NLRP12: variants seen among roughly 807,000 people sequenced by gnomAD.
NLRP12 encodes NLR family pyrin domain containing 12.
NLRP12 carries 108 observed loss-of-function variants against 91.2 expected under a neutral mutation model. The observed-to-expected ratio is 1.18, with a 90% CI of 1.01 to 1.39. The LOEUF is 1.39. Ranked by LOEUF, NLRP12 falls within the 40% of genes most tolerant of loss-of-function variation. The pLI, the probability that NLRP12 is intolerant of heterozygous loss-of-function variation, is 0.00. For synonymous variants in NLRP12, 613 were observed against 566.7 expected (o/e 1.08, Z -1.16); for missense variants, 1,530 against 1,352.7 (o/e 1.13, Z -2.06).
chr19:53,799,294 G>C (rs989982086), intron 7 of NLRP12, among the ~76,000 whole-genome samples: 6 of 151,980 alleles, frequency 3.9e-5, no homozygotes, highest in Admixed American at 3.3e-4. Context: ...ACAGGCATGA[G>C]CCACCGCGCC....
chr19:53,803,390 G>T (rs2091904928), intron 6 of NLRP12, among the ~76,000 whole-genome samples: 1 of 151,998 alleles, frequency 6.6e-6, no homozygotes, highest in South Asian at 2.1e-4. Context: ...ATGTTGGTCA[G>T]GCTGGTCTCG....
In NLRP12 at chr19:53,809,678, G is replaced by A. The variant is rs1211465559; in HGVS notation, c.1981C>T (p.Gln661Ter). 1 of 1,614,086 alleles carries A rather than the reference G, an allele frequency of 6.2e-7. No homozygotes were observed. Among genetic ancestry groups the A allele is most frequent in the South Asian group, 1.1e-5 (1 of 91,086 alleles). The change falls in exon 3 of 10, where the codon CAG becomes TAG. Residue 661 changes from glutamine to a stop codon, truncating the protein, a stop_gained. Transcript: ENST00000324134. LOFTEE classifies it high-confidence loss of function. Reference sequence around the variant, plus strand: ...GTGGCGCCATACAAGTGCAGCACCTGGGCGCTCCTGCAGCGCTTCAGACAG... The same window carrying A: ...GTGGCGCCATACAAGTGCAGCACCTAGGCGCTCCTGCAGCGCTTCAGACAG... ...SFCLKRCRSA[Q>*]VLHLYGATYS...
Position 53,810,959 on chromosome 19 carries a change from A to C in NLRP12, c.700T>G (p.Trp234Gly), listed in dbSNP as rs368152701. ...CCTTGGAAGAGCTTCCCGTCCGCCC[A>C]GTCCAGCATCACCTTGTGTGCCAGC... ...SMLAHKVMLD[W>G]ADGKLFQGRF... Residue 234 changes from tryptophan to glycine, a missense_variant, in exon 3 of 10, where the codon TGG becomes GGG. Coordinates refer to ENST00000324134, the MANE Select transcript of NLRP12 (RefSeq NM_144687.4). 8.1e-6 allele frequency: 13 copies of C among 1,614,060 alleles called. No homozygotes were observed. Among genetic ancestry groups the C allele is most frequent in the Admixed American group, 1.7e-5 (1 of 59,980 alleles).
rs561178624 is a variant in NLRP12 at position 53,811,028 on chromosome 19, G to T, written c.631C>A (p.Arg211Ser). ...GCCGCGCCTTGCATGACCACGGTGC[G>T]CGGTGGCTCGGGGCGCTCCTCGTCT... ...EPDEERPEPP[R>S]TVVMQGAAGI... is the part of the protein sequence containing the mutation. Residue 211 changes from arginine (R) to serine (S), a missense_variant, in exon 3 of 10, where the codon CGC becomes AGC. Coordinates refer to ENST00000324134, the MANE Select transcript of NLRP12 (RefSeq NM_144687.4). The T allele has an allele frequency of 6.2e-7, 1 of 1,613,138 alleles. No individual in the cohort carries two copies. Among genetic ancestry groups the T allele is most frequent in the Non-Finnish European group, 8.5e-7 (1 of 1,179,186 alleles).
chr19:53,812,554 G>T (rs2092093160), intron 2 of NLRP12, among the ~76,000 whole-genome samples: 1 of 152,072 alleles, frequency 6.6e-6, no homozygotes, highest in Non-Finnish European at 1.5e-5. Context: ...GTGGATAGAG[G>T]CCAGAGGTGC....
Position 53,795,773 on chromosome 19 carries a change from C to A in NLRP12, c.3098+86G>T, listed in dbSNP as rs185043872. ...CCTAATTGCATACACCAGTGCATAA[C>A]GTATTTGTCCATCCAGCTTATCTAC... On this transcript the variant is annotated intron_variant, in intron 9 of 9. Transcript: ENST00000324134. 10 of 1,198,878 alleles carry A rather than the reference C, an allele frequency of 8.3e-6. No homozygotes were observed. The South Asian group carries it at 1.0e-4, about 12-fold the overall frequency. 74.3% of individuals were successfully genotyped at this position (1,198,878 alleles called of 1,614,324 possible).
At chr19:53,799,942 T>TGGC (rs2091839272) in intron 7 of NLRP12, among the ~76,000 whole-genome samples, 1 of 152,116 alleles carries the variant, frequency 6.6e-6, no homozygotes, top group African/African-American at 2.4e-5. Context: ...GGCCAGAGGA[T>TGGC]CTCCTAAGGC....
chr19:53,803,833 C>A, intron 6 of NLRP12, 119 bp downstream of exon 6: 2 of 1,024,182 alleles, frequency 2.0e-6, no homozygotes, highest in Non-Finnish European at 3.0e-6. Flanking sequence ...TTTGGCCTCC[C>A]AAAGTGCCGG....
intron 1 of NLRP12, among the ~76,000 whole-genome samples, chr19:53,819,455 A>ATGTG (rs1387933382): frequency 1.8e-4 from 1 of 5,408 alleles, no homozygotes; most frequent in Non-Finnish European, 3.8e-4. Flanking sequence ...ATATATATAT[A>ATGTG]TATGTGTGTG....
intron 2 of NLRP12, among the ~76,000 whole-genome samples, chr19:53,814,068 A>G (rs1398060004): frequency 6.6e-6 from 1 of 152,034 alleles, no homozygotes; most frequent in African/African-American, 2.4e-5. Context: ...TGGCATTGTT[A>G]ACAGTGTTGC....
At chr19:53,801,128 G>C (rs1184046598) in intron 7 of NLRP12, 99 bp downstream of exon 7, 3 of 1,074,598 alleles carry the variant, frequency 2.8e-6, no homozygotes, top group Non-Finnish European at 4.2e-6. Flanking sequence ...GTAGTAGCTA[G>C]AGTTTAGGAG....
At chr19:53,815,496 G>A (rs574001016) in intron 1 of NLRP12, among the ~76,000 whole-genome samples, 2 of 151,996 alleles carry the variant, frequency 1.3e-5, no homozygotes, top group East Asian at 3.9e-4. Context: ...CAAAGTGCTG[G>A]GTTTACAGAT....
At position 53,801,442 on chromosome 19, in the gene NLRP12, CTTTTTCTTTT is replaced by C. The variant is rs769728956; in HGVS notation, c.2586-55_2586-46del. 136 of 1,304,876 alleles carry C rather than the reference CTTTTTCTTTT, an allele frequency of 1.0e-4. 2 individuals carry two copies. In the African/African-American group the frequency reaches 2.0e-3, roughly 20 times the overall value. 80.8% of individuals were successfully genotyped at this position (1,304,876 alleles called of 1,614,324 possible). A position where few individuals can be genotyped will look rare whatever the true frequency, so the allele number is the denominator to read the frequency against. ...ACAAGCATTATGGAGGCTTTCCTTT[CTTTTTCTTTT>C]TTTTTTTTTTTTTTTTTGAGACAGA... On this transcript the variant is annotated intron_variant, in intron 6 of 9. Transcript: ENST00000324134.
At chr19:53,815,895 C>A (rs2092151427) in intron 1 of NLRP12, among the ~76,000 whole-genome samples, 1 of 152,066 alleles carries the variant, frequency 6.6e-6, no homozygotes, top group African/African-American at 2.4e-5. Context: ...CAGGCGTGAG[C>A]CACTGCGCCT....
In NLRP12 at chr19:53,819,443, ATATATATATATATATG is replaced by A. The variant is rs1425317614; in HGVS notation, c.289+4427_289+4442del. 2.9e-4 allele frequency among the ~76,000 whole-genome samples: 6 copies of A among 20,554 alleles called. 1 individual carries two copies. The highest frequency in any genetic ancestry group is 9.6e-4 in the African/African-American group (6 of 6,250). The allele number at this position is 20,554 out of a possible 152,430, so 13.5% of individuals were successfully genotyped here. Reference sequence around the variant, plus strand: ...TATATATATATATATATATATATATATATATATATATATATGTGTGTGTGTGTGTGTGTGTGTGTGT... The same window carrying A: ...TATATATATATATATATATATATATATGTGTGTGTGTGTGTGTGTGTGTGT... On this transcript the variant is annotated intron_variant, in intron 1 of 9. Transcript: ENST00000324134.
rs2091929365 is a variant in NLRP12, at chr19:53,804,699, C to T, written c.2415-577G>A. On this transcript the variant is annotated intron_variant, in intron 5 of 9. Transcript: ENST00000324134. ...GTGCTGGGATTATAGACGTGAACCA[C>T]CGCTCCTGGCCCATACCTGGCTAAT... Among the ~76,000 whole-genome samples the T allele has an allele frequency of 2.7e-5, 4 of 150,666 alleles. No individual in the cohort carries two copies. The South Asian group carries it at 8.5e-4, about 32-fold the overall frequency.
At chr19:53,804,384 TTTTTTTGGGTTTTTTTG>T (rs1411014186) in intron 5 of NLRP12, among the ~76,000 whole-genome samples, 2 of 133,482 alleles carry the variant, frequency 1.5e-5, no homozygotes, top group Non-Finnish European at 3.2e-5. Context: ...TGTTTTTTGT[TTTTTTTGGGTTTTTTTG>T]TTTTTTTTTT....
intron 3 of NLRP12, 60 bp downstream of exon 3, chr19:53,809,517 CAAAAAAAAAA>C (rs3973672): frequency 1.6e-4 from 114 of 695,152 alleles, no homozygotes; most frequent in Middle Eastern, 4.7e-4. Context: ...GGCAACAGAG[CAAAAAAAAAA>C]AAAAAAAAAA....
chr19:53,796,140 C>T, intron 8 of NLRP12, 111 bp from the exon 9 acceptor site: 1 of 1,015,434 alleles, frequency 9.8e-7, no homozygotes, highest in East Asian at 2.5e-5. Context: ...GATTTCTGTT[C>T]ACTGCAACCT....
Sources: gnomAD v4.1 joint callset for allele counts (sites outside exome capture counted in the v4.1 genomes callset) on GRCh38, gnomAD v4.1.1 for gene constraint, MANE v1.5 for transcripts, NCBI Gene and HGNC (gene_info 2026-07-23, HGNC 2026-07-21) for gene names.